OXTR: variants seen among roughly 807,000 people sequenced by gnomAD.
OXTR encodes oxytocin receptor.
Under a neutral mutation model 23.9 loss-of-function variants are expected in OXTR, and 19 were observed. The observed-to-expected ratio is 0.80, with a 90% CI of 0.56 to 1.17. The LOEUF is 1.17. OXTR is among the 50% of genes most tolerant of loss of function. The pLI, the probability that OXTR is intolerant of heterozygous loss-of-function variation, is 0.00. For synonymous variants in OXTR, 278 were observed against 250.5 expected (o/e 1.11, Z -1.04); for missense variants, 500 against 550.7 (o/e 0.91, Z 0.92).
chr3:8,756,381 G>A (rs1031090423), intron 3 of OXTR, among the ~76,000 whole-genome samples: 2 of 152,144 alleles, frequency 1.3e-5, no homozygotes, highest in Admixed American at 6.5e-5. Context: ...TTCCCCAAGG[G>A]CACACAGCAA....
At position 8,768,256 on chromosome 3, in the gene OXTR, G is replaced by A. The variant is rs1413016468; in HGVS notation, c.-69C>T. 3 of 1,257,234 alleles carry A rather than the reference G, an allele frequency of 2.4e-6. No homozygotes were observed. The highest frequency in any genetic ancestry group is 2.0e-6 in the Non-Finnish European group (2 of 1,006,170). 77.9% of individuals were successfully genotyped at this position (1,257,234 alleles called of 1,614,324 possible). On this transcript the variant is annotated 5_prime_UTR_variant, in exon 3 of 4. Coordinates refer to ENST00000316793, the MANE Select transcript of OXTR (RefSeq NM_000916.4). The surrounding 1 kb of genome is among the most constrained non-coding windows in gnomAD (Gnocchi z 5.4). ...GGCTTGGCGCGGCTGGGCCGGATCC[G>A]GCGTGTCGGAGGGTGTAGGGGCGCC... is the stretch of plus-strand genomic sequence containing the variant.
In OXTR at chr3:8,751,412, A is replaced by G. The variant is rs921569291; in HGVS notation, c.*1565T>C. On this transcript the variant is annotated 3_prime_UTR_variant, in exon 4 of 4. Coordinates refer to ENST00000316793, the MANE Select transcript of OXTR (RefSeq NM_000916.4). ...TTAAGTCCAATTTACCTATTTTTCC[A>G]TTGGTTGCTTGTGTCTTTGGTATCA... 2 of 152,098 alleles carry G rather than the reference A, an allele frequency of 1.3e-5. No individual in the cohort carries two copies. Among genetic ancestry groups the G allele is most frequent in the African/African-American group, 2.4e-5 (1 of 41,388 alleles). 9.4% of individuals were successfully genotyped at this position (152,098 alleles called of 1,614,324 possible).
intron 3 of OXTR, among the ~76,000 whole-genome samples, chr3:8,765,491 T>C (rs528484935): frequency 6.6e-6 from 1 of 152,190 alleles, no homozygotes; most frequent in Non-Finnish European, 1.5e-5. Context: ...AGATCTCTCA[T>C]CTAACATCCC....
chr3:8,766,955 A>G (rs1467154994), intron 3 of OXTR, among the ~76,000 whole-genome samples: 1 of 152,206 alleles, frequency 6.6e-6, no homozygotes, highest in African/African-American at 2.4e-5. Flanking sequence ...ACAGTAAACC[A>G]TACAGCCCAT....
At position 8,768,040 on chromosome 3, in the gene OXTR, G is replaced by A. The variant is rs1360523516; in HGVS notation, c.148C>T (p.Leu50=). The change falls in exon 3 of 4, where the codon CTG becomes TTG. Residue 50 remains leucine (L), a synonymous_variant. Transcript: ENST00000316793. The surrounding 1 kb of genome is among the most constrained non-coding windows in gnomAD (Gnocchi z 5.4). ...RVEVAVLCLI[L]LLALSGNACV... ...GCGTTCCCGCTCAGCGCCAGGAGCA[G>A]GATGAGACACAGCACCGCCACCTCC... The A allele has an allele frequency of 6.3e-6, 10 of 1,598,368 alleles. No homozygotes were observed. The East Asian group carries it at 2.3e-4, about 37-fold the overall frequency.
downstream of OXTR, among the ~76,000 whole-genome samples, chr3:8,747,581 T>C (rs1451837010): frequency 2.6e-5 from 4 of 152,158 alleles, no homozygotes; most frequent in Non-Finnish European, 5.9e-5. Context: ...AAAGTTACAG[T>C]CCAGAGAAGT....
intron 3 of OXTR, 146 bp from the exon 4 acceptor site, chr3:8,753,370 A>T: frequency 1.0e-6 from 1 of 1,004,424 alleles, no homozygotes; most frequent in African/African-American, 1.6e-5. Flanking sequence ...GGTACTAAAG[A>T]GGCAAAGTTT....
In OXTR at chr3:8,768,816, C is replaced by G. The variant is rs1304445128; in HGVS notation, c.-238-225G>C. ...AAATAGCCACTTGCCTGGGAAACCC[C>G]AGCTCTGGTCCTTCCCCGTCTAACC... On this transcript the variant is annotated intron_variant, in intron 1 of 3. Transcript: ENST00000316793. This position sits in a 1 kb window ranked among gnomAD's most constrained non-coding sequence, Gnocchi z 5.4. 6.6e-6 allele frequency: 1 copy of G among 152,304 alleles called. No individual in the cohort carries two copies. The highest frequency in any genetic ancestry group is 1.5e-5 in the Non-Finnish European group (1 of 68,158). The allele number at this position is 152,304 out of a possible 1,614,324, so 9.4% of individuals were successfully genotyped here.
intron 3 of OXTR, among the ~76,000 whole-genome samples, chr3:8,755,596 G>T (rs1210704615): frequency 1.3e-5 from 2 of 152,242 alleles, no homozygotes; most frequent in African/African-American, 4.8e-5. Flanking sequence ...TGGTCTGGGT[G>T]GGAGAAGTCT....
In OXTR at chr3:8,768,936, T is replaced by G. The variant is rs1708703369; in HGVS notation, c.-239+295A>C. ...CTGCAGTCCCTGCTGGGGGAACCCCTGCCTCAAAGCCCAAGATGCCCAAGC... is the reference window on the plus strand; with the variant it reads ...CTGCAGTCCCTGCTGGGGGAACCCCGGCCTCAAAGCCCAAGATGCCCAAGC... On this transcript the variant is annotated intron_variant, in intron 1 of 3. Coordinates refer to ENST00000316793, the MANE Select transcript of OXTR (RefSeq NM_000916.4). The surrounding 1 kb of genome is among the most constrained non-coding windows in gnomAD (Gnocchi z 5.4). Among the ~76,000 whole-genome samples, 1 of 152,050 alleles carries G rather than the reference T, an allele frequency of 6.6e-6. No individual in the cohort carries two copies. Among genetic ancestry groups the G allele is most frequent in the Admixed American group, 6.5e-5 (1 of 15,272 alleles).
chr3:8,744,445 A>ATTTTTTTTTTT, the OXTR span, among the ~76,000 whole-genome samples: 190 of 111,372 alleles, frequency 1.7e-3, no homozygotes, highest in African/African-American at 4.1e-3. Context: ...TACCCGGCTA[A>ATTTTTTTTTTT]TTTTTTTTTT....
downstream of OXTR, chr3:8,745,602 C>G (rs121909280): frequency 6.2e-6 from 10 of 1,614,150 alleles, no homozygotes; most frequent in East Asian, 1.3e-4. The surrounding 1 kb of genome is among the most constrained non-coding windows in gnomAD (Gnocchi z 4.8). Context: ...AGCTACACCA[C>G]CTTCACTGTC....
chr3:8,752,972 G>T lies in OXTR; in HGVS notation c.*5C>A. ...CAGGCTGCAGCCCTGGCCCTGGCTGGTGGGTCACGCCGTGGATGGCTGGGA... is the reference window on the plus strand; with the variant it reads ...CAGGCTGCAGCCCTGGCCCTGGCTGTTGGGTCACGCCGTGGATGGCTGGGA... On this transcript the variant is annotated 3_prime_UTR_variant, in exon 4 of 4. Coordinates refer to ENST00000316793, the MANE Select transcript of OXTR (RefSeq NM_000916.4). 6.2e-7 allele frequency: 1 copy of T among 1,608,496 alleles called. No homozygotes were observed. The highest frequency in any genetic ancestry group is 8.5e-7 in the Non-Finnish European group (1 of 1,176,320).
chr3:8,763,839 G>T (rs1469755487), intron 3 of OXTR, among the ~76,000 whole-genome samples: 1 of 152,094 alleles, frequency 6.6e-6, no homozygotes, highest in Non-Finnish European at 1.5e-5. Context: ...AACTAACCAG[G>T]TGTAGAGCTT....
At chr3:8,753,292 A>G in intron 3 of OXTR, 68 bp from the exon 4 acceptor site, 1 of 1,544,192 alleles carries the variant, frequency 6.5e-7, no homozygotes, top group Non-Finnish European at 8.8e-7. Context: ...TTCCAGACCT[A>G]TCTGACTTAA....
intron 3 of OXTR, among the ~76,000 whole-genome samples, chr3:8,760,744 G>A (rs967524265): frequency 6.6e-6 from 1 of 152,198 alleles, no homozygotes; most frequent in Non-Finnish European, 1.5e-5. Context: ...AACTGGGGTG[G>A]GCGTTCCCAT....
chr3:8,749,698 G>A (rs1288671700), downstream of OXTR, among the ~76,000 whole-genome samples: 3 of 152,182 alleles, frequency 2.0e-5, no homozygotes, highest in South Asian at 4.1e-4. Context: ...GTCCAAAGAC[G>A]ATACTATCTT....
intron 3 of OXTR, among the ~76,000 whole-genome samples, chr3:8,762,047 G>A (rs575708274): frequency 4.6e-5 from 7 of 152,286 alleles, no homozygotes; most frequent in Admixed American, 4.6e-4. Flanking sequence ...AAGTTGCCAG[G>A]GCAAGGTGGT....
chr3:8,745,397 T>C, downstream of OXTR: 1 of 712,118 alleles, frequency 1.4e-6, no homozygotes, highest in Non-Finnish European at 2.5e-6. The surrounding 1 kb of genome is among the most constrained non-coding windows in gnomAD (Gnocchi z 4.8). Flanking sequence ...AATAGCCTAA[T>C]ACAGGTAGGG....
Sources: allele counts gnomAD v4.1 joint callset (sites outside exome capture counted in the v4.1 genomes callset), GRCh38; gene constraint gnomAD v4.1.1; non-coding constraint Gnocchi (gnomAD v3.1); transcripts MANE v1.5; gene names NCBI Gene and HGNC (gene_info 2026-07-23, HGNC 2026-07-21).